Variants in JMJD1C observed in about 807,000 individuals in gnomAD.
JMJD1C encodes the protein jumonji domain-containing protein 1C.
Under a neutral mutation model 245.3 loss-of-function variants are expected in JMJD1C, and 31 were observed. The ratio of observed to expected loss-of-function variants is 0.13; its 90% CI spans 0.09 to 0.17. The LOEUF (loss-of-function observed/expected upper bound fraction) is 0.17, where lower values mean the gene tolerates loss of function less well. JMJD1C is among the 10% of genes least tolerant of loss of function. JMJD1C has a pLI of 1.00. For missense variants in JMJD1C, 2,691 were observed against 3,000.2 expected (o/e 0.90, Z 2.41); for synonymous variants, 1,057 against 1,017.4 (o/e 1.04, Z -0.74).
At chr10:63,265,677 C>A (rs1221468505) in intron 2 of JMJD1C, among the ~76,000 whole-genome samples, 2 of 152,074 alleles carry the variant, frequency 1.3e-5, no homozygotes, top group Non-Finnish European at 2.9e-5. Context: ...AAAAACACAG[C>A]TGCTTTACTA....
chr10:63,420,134 C>T (rs78540076), intron 1 of JMJD1C, among the ~76,000 whole-genome samples: 1 of 135,460 alleles, frequency 7.4e-6, no homozygotes, highest in Admixed American at 7.3e-5. Context: ...GACGCTGTCT[C>T]AAAAAAAAAA....
Position 63,180,288 on chromosome 10 carries a change from G to A in JMJD1C, c.7085-2432C>T, listed in dbSNP as rs546160471. Among the ~76,000 whole-genome samples the A allele has an allele frequency of 6.0e-4, 92 of 152,372 alleles. 1 individual carries two copies. The highest frequency in any genetic ancestry group is 2.2e-3 in the African/African-American group (90 of 41,592). ...GGCCTCCCAAAGTGCTGGGATTACAGGCGTGAGCCACTGCTAATTGAAACA... is the reference window on the plus strand; with the variant it reads ...GGCCTCCCAAAGTGCTGGGATTACAAGCGTGAGCCACTGCTAATTGAAACA... On this transcript the variant is annotated intron_variant, in intron 22 of 25. Coordinates refer to ENST00000399262, the MANE Select transcript of JMJD1C (RefSeq NM_032776.3).
chr10:63,218,223 AAGTC>A (rs915973745), intron 4 of JMJD1C, among the ~76,000 whole-genome samples: 1 of 152,114 alleles, frequency 6.6e-6, no homozygotes, highest in African/African-American at 2.4e-5. Context: ...GTAAAATTTT[AAGTC>A]AAAGATCTGG....
At position 63,360,596 on chromosome 10, in the gene JMJD1C, A is replaced by C. The variant is rs534724380; in HGVS notation, c.333+19722T>G. 2.6e-5 allele frequency among the ~76,000 whole-genome samples: 4 copies of C among 152,282 alleles called. No homozygotes were observed. The South Asian group carries it at 8.3e-4, about 32-fold the overall frequency. ...TTTAATTTAATGAAAATCCAACACAAACATTTTTGTTCATACCAAAATGAT... is the reference window on the plus strand; with the variant it reads ...TTTAATTTAATGAAAATCCAACACACACATTTTTGTTCATACCAAAATGAT... On this transcript the variant is annotated intron_variant, in intron 2 of 25. Coordinates refer to ENST00000399262, the MANE Select transcript of JMJD1C (RefSeq NM_032776.3).
At chr10:63,368,967 A>G (rs1946077764) in intron 2 of JMJD1C, among the ~76,000 whole-genome samples, 1 of 152,014 alleles carries the variant, frequency 6.6e-6, no homozygotes, top group South Asian at 2.1e-4. Flanking sequence ...AATCAATCTT[A>G]TAATACTGAT....
intron 10 of JMJD1C, chr10:63,202,654 T>C: frequency 9.1e-6 from 9 of 985,466 alleles, no homozygotes; most frequent in Non-Finnish European, 1.1e-5. Context: ...TTTGGCTTAA[T>C]CCACTAGAGA....
At chr10:63,175,922 G>A (rs1015175088) in intron 24 of JMJD1C, among the ~76,000 whole-genome samples, 7 of 152,136 alleles carry the variant, frequency 4.6e-5, no homozygotes, top group African/African-American at 1.4e-4. Context: ...TGATATGCTA[G>A]CATGCTGAAG....
chr10:63,302,416 T>C (rs921097000), intron 2 of JMJD1C, among the ~76,000 whole-genome samples: 2 of 152,220 alleles, frequency 1.3e-5, no homozygotes. Flanking sequence ...TACACTCTTT[T>C]CAAAAACGTG....
chr10:63,452,615 A>G (rs1160635904), intron 1 of JMJD1C, among the ~76,000 whole-genome samples: 2 of 152,348 alleles, frequency 1.3e-5, no homozygotes, highest in Middle Eastern at 3.4e-3. Flanking sequence ...AGGGACTTAA[A>G]TAGATATGCT....
intron 1 of JMJD1C, among the ~76,000 whole-genome samples, chr10:63,410,431 A>G (rs532681680): frequency 6.6e-6 from 1 of 152,320 alleles, no homozygotes; most frequent in South Asian, 2.1e-4. Flanking sequence ...TGTGAAGGAA[A>G]TGAAGAGTGA....
intron 2 of JMJD1C, among the ~76,000 whole-genome samples, chr10:63,318,906 G>T (rs1002202561): frequency 1.1e-4 from 17 of 151,856 alleles, no homozygotes; most frequent in Non-Finnish European, 1.3e-4. Flanking sequence ...AAACCTTCTG[G>T]TATCTGTATT....
Position 63,214,524 on chromosome 10 carries a change from A to G in JMJD1C, c.1643T>C (p.Ile548Thr), listed in dbSNP as rs1417295632. ...TGTTTCCAAGAATTTTGCATTTGCA[A>G]TAGAGTGTTTTGAATCACTAACATT... Reference protein sequence around the residue: ...DPNVSDSKHSIANAKFLETAK... With the variant: ...DPNVSDSKHSTANAKFLETAK... The change falls in exon 8 of 26, where the codon ATT (isoleucine) becomes ACT (threonine). Residue 548 changes from isoleucine (I) to threonine (T), a missense_variant. Ile to Thr is a moderately conservative substitution (Grantham distance 89). This residue lies in a region of JMJD1C where 1,562 missense variants were observed against 1,490.7 expected (regional missense o/e 1.05). Transcript: ENST00000399262. The G allele has an allele frequency of 6.2e-7, 1 of 1,613,988 alleles. No homozygotes were observed. Among genetic ancestry groups the G allele is most frequent in the Non-Finnish European group, 8.5e-7 (1 of 1,179,998 alleles).
intron 2 of JMJD1C, among the ~76,000 whole-genome samples, chr10:63,366,767 T>G (rs543789499): frequency 6.6e-6 from 1 of 152,168 alleles, no homozygotes; most frequent in East Asian, 1.9e-4. Context: ...AAGTTACCAG[T>G]GGGACTGAGA....
In JMJD1C at chr10:63,208,601, C is replaced by T. The variant is rs200143103; in HGVS notation, c.3068G>A (p.Arg1023His). The T allele has an allele frequency of 9.1e-5, 147 of 1,613,908 alleles. No individual in the cohort carries two copies. The highest frequency in any genetic ancestry group is 3.3e-4 in the Middle Eastern group (2 of 6,058). ...ATCAATACTTTCTTGAAGAATTCGACGGTGTTCCTCTTTGTATTTGTTTAA... is the reference window on the plus strand; with the variant it reads ...ATCAATACTTTCTTGAAGAATTCGATGGTGTTCCTCTTTGTATTTGTTTAA... ...ERLNKYKEEH[R>H]RILQESIDVA... is the part of the protein sequence containing the mutation. The change falls in exon 10 of 26, where the codon CGT becomes CAT. Residue 1023 changes from arginine to histidine, a missense_variant. By Grantham distance (29) the Arg-to-His change is conservative. Transcript: ENST00000399262.
intron 1 of JMJD1C, among the ~76,000 whole-genome samples, chr10:63,398,336 T>C (rs1401270685): frequency 6.6e-6 from 1 of 152,186 alleles, no homozygotes; most frequent in Non-Finnish European, 1.5e-5. Context: ...AGAAATAAAG[T>C]CATTTCTCCC....
In JMJD1C at chr10:63,209,112, C is replaced by T; in HGVS notation, c.2818G>A (p.Ala940Thr). 6.2e-7 allele frequency: 1 copy of T among 1,613,914 alleles called. No homozygotes were observed. The highest frequency in any genetic ancestry group is 8.5e-7 in the Non-Finnish European group (1 of 1,179,880). The change falls in exon 9 of 26, where the codon GCC (alanine) becomes ACC (threonine). Residue 940 changes from alanine (A) to threonine (T), a missense_variant. By Grantham distance (58) the Ala-to-Thr change is moderately conservative. This residue lies in a region of JMJD1C where 1,562 missense variants were observed against 1,490.7 expected (regional missense o/e 1.05). Coordinates refer to ENST00000399262, the MANE Select transcript of JMJD1C (RefSeq NM_032776.3). ...AEPHRPLKIT[A>T]HSSPPLTKTL... ...TTTGTCAATGGTGGACTGGAATGGG[C>T]TGTAATTTTAAGAGGCCGATGAGGC...
At chr10:63,357,826 G>GACACAC (rs35073293) in intron 2 of JMJD1C, among the ~76,000 whole-genome samples, 5,340 of 140,422 alleles carry the variant, frequency 0.038, 207 homozygotes, top group East Asian at 0.2. Context: ...CAGACAGACA[G>GACACAC]ACACACACAC....
chr10:63,237,010 T>C (rs1850808121), intron 3 of JMJD1C, among the ~76,000 whole-genome samples: 1 of 152,072 alleles, frequency 6.6e-6, no homozygotes, highest in Non-Finnish European at 1.5e-5. Flanking sequence ...CAATGATTGA[T>C]TCATACAGAA....
rs41274064 is a variant in JMJD1C, at chr10:63,193,075, G to T, written c.5939C>A (p.Pro1980Gln). 1 of 1,613,782 alleles carries T rather than the reference G, an allele frequency of 6.2e-7. No individual in the cohort carries two copies. The highest frequency in any genetic ancestry group is 1.3e-5 in the African/African-American group (1 of 74,868). Residue 1980 changes from proline to glutamine, a missense_variant, in exon 16 of 26, where the codon CCG (proline) becomes CAG (glutamine). By Grantham distance (76) the Pro-to-Gln change is moderately conservative. Around this residue, in one of 9 missense-constraint regions of JMJD1C, gnomAD observed 275 missense variants for 285.5 expected, o/e 0.96. Transcript: ENST00000399262. ...GCTGCCACCATTTTTCTCAGACTTC[G>T]GAGGAGTATTTTGCTGCTGAGACTC... Reference protein sequence around the residue: ...MPESQQQNTPPKSEKNGGSSP... With the variant: ...MPESQQQNTPQKSEKNGGSSP...
Sources: gnomAD v4.1 joint callset for allele counts (sites outside exome capture counted in the v4.1 genomes callset) on GRCh38, gnomAD v4.1.1 for gene constraint, gnomAD v4.1.1 regional missense constraint, MANE v1.5 for transcripts, NCBI Gene and HGNC (gene_info 2026-07-23, HGNC 2026-07-21) for gene names.